The following AFDN variants were observed in gnomAD, a reference collection of about 807,000 sequenced individuals.
AFDN encodes the protein afadin, adherens junction formation factor.
In AFDN, 68 loss-of-function variants were observed where a neutral mutation model predicts 216.6. The observed-to-expected ratio is 0.31, with a 90% CI of 0.26 to 0.38. The LOEUF (loss-of-function observed/expected upper bound fraction) is 0.38. AFDN is among the 10% of genes least tolerant of loss of function. The pLI is 1.00. For missense variants in AFDN, 2,136 were observed against 2,342.0 expected, an observed-to-expected ratio of 0.91 and a Z score of 1.82; for synonymous variants, 868 against 853.7, an observed-to-expected ratio of 1.02 and a Z score of -0.29.
At chr6:167,946,986 T>G (rs1351110207) in intron 27 of AFDN, 85 bp downstream of exon 27, 1 of 1,202,352 alleles carries the variant, frequency 8.3e-7, no homozygotes, top group East Asian at 2.5e-5. Context: ...TTGTTAATTA[T>G]TAAAATTATT....
At chr6:167,846,709 AGTT>A (rs747404689) in intron 1 of AFDN, among the ~76,000 whole-genome samples, 58 of 147,386 alleles carry the variant, frequency 3.9e-4, no homozygotes, top group Non-Finnish European at 4.8e-4. Flanking sequence ...AAAAAAACCA[AGTT>A]GTTTTTTTTT....
At chr6:167,937,497 C>T (rs114521183) in intron 23 of AFDN, among the ~76,000 whole-genome samples, 8,748 of 152,178 alleles carry the variant, frequency 0.057, 832 homozygotes, top group African/African-American at 0.2. Flanking sequence ...GTCCTCCCGC[C>T]ACAGCCTCCC....
Position 167,952,051 on chromosome 6 carries a change from A to G in AFDN, c.4697A>G (p.Lys1566Arg), listed in dbSNP as rs1026812667. 1.2e-6 allele frequency: 2 copies of G among 1,614,056 alleles called. No individual in the cohort carries two copies. The highest frequency in any genetic ancestry group is 1.7e-6 in the Non-Finnish European group (2 of 1,180,032). The stretch of plus-strand genomic sequence containing the variant: ...GCCGAGGAGAGCGACCGGCTGCGCA[A>G]GCTCATGCTGGAGTGGCAGTTCCAG... Reference protein sequence around the residue: ...RSAEESDRLRKLMLEWQFQKR... With the variant: ...RSAEESDRLRRLMLEWQFQKR... Residue 1566 changes from lysine to arginine, a missense_variant, in exon 30 of 34, where the codon AAG becomes AGG. By Grantham distance (26) the Lys-to-Arg change is conservative (BLOSUM62 2). Around this residue, in one of 8 missense-constraint regions of AFDN, gnomAD observed 981 missense variants for 966.0 expected, o/e 1.02. Transcript: ENST00000683244.
At position 167,939,813 on chromosome 6, in the gene AFDN, G is replaced by A. The variant is rs190340433; in HGVS notation, c.3100-3316G>A. Among the ~76,000 whole-genome samples the A allele has an allele frequency of 1.2e-4, 18 of 152,282 alleles. No homozygotes were observed. In the East Asian group the frequency reaches 1.9e-3, roughly 16 times the overall value. ...TGCTGTGTCTTAGAAGTATTTTTCC[G>A]TAGTGTGTCTTAGGTCCCTAGATTC... On this transcript the variant is annotated intron_variant, in intron 23 of 33. Coordinates refer to ENST00000683244, the MANE Select transcript of AFDN (RefSeq NM_001386888.1).
chr6:167,924,592 G>C lies in AFDN; in HGVS notation c.3013-413G>C, dbSNP rs374232650. ...ATAACCATTTTTTGCAGTCCTCCCC[G>C]TGGATAGTGTAAAATAAGTTTACAT... On this transcript the variant is annotated intron_variant, in intron 22 of 33. Transcript: ENST00000683244. 1.7e-4 allele frequency among the ~76,000 whole-genome samples: 26 copies of C among 152,152 alleles called. 1 individual carries two copies. The highest frequency in any genetic ancestry group is 1.5e-3 in the Admixed American group (23 of 15,276).
intron 1 of AFDN, among the ~76,000 whole-genome samples, chr6:167,863,328 AT>A (rs1783800940): frequency 1.3e-5 from 2 of 152,164 alleles, no homozygotes; most frequent in South Asian, 4.1e-4. Flanking sequence ...CATTTCTCCT[AT>A]TTTTCTTCAA....
At chr6:167,930,712 T>C (rs1365190545) in intron 23 of AFDN, among the ~76,000 whole-genome samples, 9 of 152,312 alleles carry the variant, frequency 5.9e-5, no homozygotes, top group African/African-American at 2.2e-4. Flanking sequence ...GTAGTTCTGC[T>C]ATCATGGCAG....
Position 167,915,366 on chromosome 6 carries a change from T to C in AFDN, c.2498T>C (p.Ile833Thr), listed in dbSNP as rs144061455. The change falls in exon 19 of 34, where the codon ATT becomes ACT. Residue 833 changes from isoleucine to threonine, a missense_variant. Ile to Thr is a moderately conservative substitution (Grantham distance 89). Around this residue, in one of 8 missense-constraint regions of AFDN, gnomAD observed 817 missense variants for 965.7 expected, o/e 0.85. Coordinates refer to ENST00000683244, the MANE Select transcript of AFDN (RefSeq NM_001386888.1). ...GAIIRQQLGH[I>T]EAWAEKQGLE... ...ATTATCCGTCAGCAGTTGGGCCATA[T>C]TGAAGCCTGGGCTGAGAAGCAGGGG... 428 of 1,614,252 alleles carry C rather than the reference T, an allele frequency of 2.7e-4. 1 individual carries two copies. The African/African-American group carries it at 5.2e-3, about 20-fold the overall frequency.
Position 167,915,298 on chromosome 6 carries a change from G to C in AFDN, c.2430G>C (p.Val810=), listed in dbSNP as rs3213590. 156,971 of 1,614,074 alleles carry C rather than the reference G, an allele frequency of 0.097. 9,920 individuals are homozygous for C. The highest frequency in any genetic ancestry group is 0.22 in the South Asian group (20,045 of 91,072). ...ATATGTGGCTGTTCAATAGATTGGTGACCGACCCAGATTCGGGGCTGTGCT... is the reference window on the plus strand; with the variant it reads ...ATATGTGGCTGTTCAATAGATTGGTCACCGACCCAGATTCGGGGCTGTGCT... ...FINMWLFNRL[V]TDPDSGLCSH... The change falls in exon 19 of 34, where the codon GTG becomes GTC. Residue 810 remains valine (V), a synonymous_variant. Coordinates refer to ENST00000683244, the MANE Select transcript of AFDN (RefSeq NM_001386888.1).
intron 23 of AFDN, 57 bp from the exon 24 acceptor site, chr6:167,943,072 A>G (rs1274468674): frequency 7.0e-7 from 1 of 1,435,312 alleles, no homozygotes; most frequent in African/African-American, 1.4e-5. Flanking sequence ...TTTCCTGCAT[A>G]GTGCATTTCT....
chr6:167,884,939 G>T (rs372040589), intron 6 of AFDN, among the ~76,000 whole-genome samples: 9 of 152,296 alleles, frequency 5.9e-5, no homozygotes, highest in Admixed American at 4.6e-4. Flanking sequence ...GTTATTTAGT[G>T]TAGTGACCAT....
chr6:167,855,564 G>A (rs1350304442), intron 1 of AFDN, among the ~76,000 whole-genome samples: 1 of 151,918 alleles, frequency 6.6e-6, no homozygotes, highest in Non-Finnish European at 1.5e-5. Context: ...TTTAAAATGA[G>A]GATTCCCCCC....
intron 5 of AFDN, 87 bp from the exon 6 acceptor site, chr6:167,880,273 C>T (rs1393158285): frequency 1.2e-5 from 16 of 1,284,600 alleles, no homozygotes; most frequent in Non-Finnish European, 2.2e-6. Flanking sequence ...ATGCAGGTAC[C>T]TTTTTCTCAA....
chr6:167,875,714 G>C (rs1785284898), intron 5 of AFDN, among the ~76,000 whole-genome samples: 1 of 149,902 alleles, frequency 6.7e-6, no homozygotes, highest in African/African-American at 2.5e-5. Flanking sequence ...ACCCAATACA[G>C]CTCTTAAAAA....
chr6:167,946,736 C>T lies in AFDN; in HGVS notation c.3388C>T (p.Arg1130Ter). The stretch of plus-strand genomic sequence containing the variant: ...AGATCGTCGTGGCTCAGGTAAACCC[C>T]GACCAAAGAGTGAAGGCTTTGAGCT... ...ISDRRGSGKP[R>*]PKSEGFELYN... is the part of the protein sequence containing the mutation. The change falls in exon 27 of 34, where the codon CGA becomes TGA. Residue 1130 changes from arginine (R) to a stop codon, truncating the protein, a stop_gained. Transcript: ENST00000683244. LOFTEE classifies it high-confidence loss of function. The T allele has an allele frequency of 6.2e-7, 1 of 1,614,000 alleles. No homozygotes were observed. Among genetic ancestry groups the T allele is most frequent in the Non-Finnish European group, 8.5e-7 (1 of 1,179,992 alleles).
chr6:167,937,202 G>A (rs7772997), intron 23 of AFDN, among the ~76,000 whole-genome samples: 2 of 152,072 alleles, frequency 1.3e-5, no homozygotes, highest in Non-Finnish European at 1.5e-5. Context: ...CCCGAATGCC[G>A]ACCAAAATGT....
chr6:167,877,044 G>T (rs1285495591), intron 5 of AFDN, among the ~76,000 whole-genome samples: 4 of 152,172 alleles, frequency 2.6e-5, no homozygotes, highest in Non-Finnish European at 5.9e-5. Flanking sequence ...TAAAAGTATT[G>T]CTTTGGCCAT....
intron 9 of AFDN, among the ~76,000 whole-genome samples, chr6:167,896,289 C>A (rs923742946): frequency 2.0e-5 from 3 of 151,608 alleles, no homozygotes; most frequent in African/African-American, 4.8e-5. Flanking sequence ...GGGAGCTAAC[C>A]ACTTTTAACA....
intron 32 of AFDN, among the ~76,000 whole-genome samples, chr6:167,968,231 C>A (rs1265379056): frequency 6.6e-5 from 10 of 152,140 alleles, no homozygotes; most frequent in African/African-American, 2.4e-4. Context: ...TAAAGGCCCG[C>A]TATAAATTGT....
Sources: gnomAD v4.1 joint callset for allele counts (sites outside exome capture counted in the v4.1 genomes callset) on GRCh38, gnomAD v4.1.1 for gene constraint, gnomAD v4.1.1 regional missense constraint, MANE v1.5 for transcripts, NCBI Gene and HGNC (gene_info 2026-07-23, HGNC 2026-07-21) for gene names.